Variants in KCTD8 observed in about 807,000 individuals in gnomAD.
KCTD8 encodes the protein potassium channel tetramerization domain containing 8, also known as BTB/POZ domain-containing protein KCTD8.
In KCTD8, 27 loss-of-function variants were observed where a neutral mutation model predicts 31.5. That is an observed-to-expected ratio of 0.86 (90% CI 0.63 to 1.18). KCTD8 has a LOEUF of 1.18. Ranked by LOEUF, KCTD8 falls within the 50% of genes most tolerant of loss-of-function variation. The pLI is 0.00. For missense variants in KCTD8, 658 were observed against 647.7 expected (o/e 1.02, Z -0.17); for synonymous variants, 290 against 280.0 (o/e 1.04, Z -0.36).
chr4:44,183,840 A>G (rs865804012), intron 1 of KCTD8, among the ~76,000 whole-genome samples: 3 of 152,214 alleles, frequency 2.0e-5, no homozygotes, highest in Middle Eastern at 6.3e-3. Context: ...AACAGTCACA[A>G]TTCCTAGAAG....
chr4:44,441,456 C>T (rs942825809), intron 1 of KCTD8, among the ~76,000 whole-genome samples: 1 of 152,058 alleles, frequency 6.6e-6, no homozygotes, highest in Non-Finnish European at 1.5e-5. Context: ...GGAAATTTAA[C>T]ATAAATTTTA....
intron 1 of KCTD8, among the ~76,000 whole-genome samples, chr4:44,368,750 A>G (rs187242687): frequency 1.6e-4 from 24 of 152,350 alleles, no homozygotes; most frequent in African/African-American, 5.3e-4. Context: ...GTATTTTCAA[A>G]ATAACTTGCC....
intron 1 of KCTD8, among the ~76,000 whole-genome samples, chr4:44,357,158 C>T (rs924720437): frequency 2.6e-5 from 4 of 151,056 alleles, no homozygotes; most frequent in African/African-American, 9.7e-5. Flanking sequence ...AACCACATCT[C>T]TTCCTCTAGC....
rs555054843 is a variant in KCTD8 at position 44,250,697 on chromosome 4, G to C, written c.962-75447C>G. ...ATTATTAAACAGATTTTTCTCTTTT[G>C]TGAATTTTCTGGATGTACCCTTGGC... On this transcript the variant is annotated intron_variant, in intron 1 of 1. Coordinates refer to ENST00000360029, the MANE Select transcript of KCTD8 (RefSeq NM_198353.3). 2.6e-5 allele frequency among the ~76,000 whole-genome samples: 4 copies of C among 151,804 alleles called. No individual in the cohort carries two copies. In the South Asian group the frequency reaches 8.3e-4, roughly 31 times the overall value.
chr4:44,339,206 A>C (rs1718832789), intron 1 of KCTD8, among the ~76,000 whole-genome samples: 1 of 152,190 alleles, frequency 6.6e-6, no homozygotes, highest in Non-Finnish European at 1.5e-5. Context: ...AGTCAAAGAC[A>C]ACAAAGAATT....
intron 1 of KCTD8, among the ~76,000 whole-genome samples, chr4:44,356,737 G>A (rs570962871): frequency 6.6e-6 from 1 of 152,150 alleles, no homozygotes; most frequent in Non-Finnish European, 1.5e-5. Flanking sequence ...CTCCCAAAGT[G>A]CTGGGATTAC....
intron 1 of KCTD8, among the ~76,000 whole-genome samples, chr4:44,330,873 TG>T (rs747083522): frequency 2.6e-5 from 4 of 152,002 alleles, no homozygotes; most frequent in Admixed American, 2.0e-4. Flanking sequence ...ATTAGTTTTC[TG>T]TTTGAGCCAG....
intron 1 of KCTD8, among the ~76,000 whole-genome samples, chr4:44,243,494 C>A (rs1050173372): frequency 6.6e-6 from 1 of 152,182 alleles, no homozygotes; most frequent in Non-Finnish European, 1.5e-5. Flanking sequence ...ATAATTTCCA[C>A]AGTGTAAGGG....
chr4:44,345,710 A>G (rs1719018833), intron 1 of KCTD8, among the ~76,000 whole-genome samples: 1 of 152,154 alleles, frequency 6.6e-6, no homozygotes, highest in South Asian at 2.1e-4. Context: ...CCTCTAGTCA[A>G]GAGATGTTCA....
At chr4:44,344,285 A>G (rs762166500) in intron 1 of KCTD8, among the ~76,000 whole-genome samples, 1 of 151,960 alleles carries the variant, frequency 6.6e-6, no homozygotes, top group Non-Finnish European at 1.5e-5. Flanking sequence ...TCTGGGCTCA[A>G]GTGATCCTCC....
intron 1 of KCTD8, among the ~76,000 whole-genome samples, chr4:44,385,679 A>AG (rs1720194605): frequency 6.6e-6 from 1 of 151,674 alleles, no homozygotes; most frequent in African/African-American, 2.4e-5. Flanking sequence ...ACATGCGAAA[A>AG]CAGAAAAATA....
chr4:44,175,563 C>G (rs1713189731), intron 1 of KCTD8, among the ~76,000 whole-genome samples: 1 of 152,122 alleles, frequency 6.6e-6, no homozygotes, highest in Admixed American at 6.5e-5. Flanking sequence ...ATTTTAATTA[C>G]TAGTTCCTGG....
chr4:44,410,175 T>G (rs1006755284), intron 1 of KCTD8, among the ~76,000 whole-genome samples: 1 of 152,172 alleles, frequency 6.6e-6, no homozygotes, highest in Non-Finnish European at 1.5e-5. Flanking sequence ...CAAAAATACT[T>G]AGATACTTTG....
At chr4:44,283,170 C>A (rs1716950456) in intron 1 of KCTD8, among the ~76,000 whole-genome samples, 1 of 151,762 alleles carries the variant, frequency 6.6e-6, no homozygotes, top group African/African-American at 2.4e-5. Flanking sequence ...CCGCTTCAGC[C>A]TCCCAAGTAG....
chr4:44,304,638 G>C (rs988480980), intron 1 of KCTD8, among the ~76,000 whole-genome samples: 5 of 152,102 alleles, frequency 3.3e-5, no homozygotes, highest in African/African-American at 1.2e-4. Flanking sequence ...CTATTATGTT[G>C]ATGGCTGAAG....
At chr4:44,183,528 G>T (rs925964426) in intron 1 of KCTD8, among the ~76,000 whole-genome samples, 2 of 151,906 alleles carry the variant, frequency 1.3e-5, no homozygotes, top group African/African-American at 4.8e-5. Context: ...AATTCCCTTG[G>T]GCTTTATTAT....
chr4:44,332,336 G>A (rs879705590), intron 1 of KCTD8, among the ~76,000 whole-genome samples: 1 of 151,870 alleles, frequency 6.6e-6, no homozygotes, highest in African/African-American at 2.4e-5. Context: ...GAGAAACATG[G>A]TCCAGGACCT....
At chr4:44,310,889 TA>T (rs1717931312) in intron 1 of KCTD8, among the ~76,000 whole-genome samples, 1 of 152,118 alleles carries the variant, frequency 6.6e-6, no homozygotes, top group South Asian at 2.1e-4. Context: ...TAAAATACAT[TA>T]ACCCTTATAA....
intron 1 of KCTD8, among the ~76,000 whole-genome samples, chr4:44,352,568 T>C (rs1292646985): frequency 1.4e-5 from 2 of 145,772 alleles, no homozygotes; most frequent in Non-Finnish European, 3.0e-5. Context: ...ATTAAAATTA[T>C]TATTTCTATT....
Sources: gnomAD v4.1 joint callset for allele counts (sites outside exome capture counted in the v4.1 genomes callset) on GRCh38, gnomAD v4.1.1 for gene constraint, MANE v1.5 for transcripts, NCBI Gene and HGNC (gene_info 2026-07-23, HGNC 2026-07-21) for gene names.